The following PCCB variants were observed in gnomAD, a reference collection of about 807,000 sequenced individuals.
PCCB encodes the protein propionyl-CoA carboxylase beta chain, mitochondrial.
Under a neutral mutation model 60.7 loss-of-function variants are expected in PCCB, and 43 were observed. The ratio of observed to expected loss-of-function variants is 0.71; its 90% CI spans 0.55 to 0.91. The LOEUF (loss-of-function observed/expected upper bound fraction) is 0.91. PCCB is among the 40% of genes least tolerant of loss of function. The probability of loss-of-function intolerance (pLI) is 0.00; values close to 1 mark genes in which losing one functional copy is unlikely to be tolerated. For missense variants in PCCB, 766 were observed against 702.8 expected, an observed-to-expected ratio of 1.09 and a Z score of -1.02; for synonymous variants, 276 against 255.9, an observed-to-expected ratio of 1.08 and a Z score of -0.75.
chr3:136,289,232 G>A (rs112835519), intron 6 of PCCB, among the ~76,000 whole-genome samples: 7 of 152,240 alleles, frequency 4.6e-5, no homozygotes, highest in African/African-American at 1.4e-4. Context: ...ATAGAGGAGT[G>A]TTAAGATCTT....
intron 5 of PCCB, among the ~76,000 whole-genome samples, chr3:136,269,472 T>A (rs745999433): frequency 6.6e-6 from 1 of 152,220 alleles, no homozygotes; most frequent in Non-Finnish European, 1.5e-5. Context: ...CACAATCATG[T>A]CTTCTGCAAA....
Position 136,316,959 on chromosome 3 carries a change from T to G in PCCB, c.985T>G (p.Phe329Val), listed in dbSNP as rs367662015. The change falls in exon 10 of 15, where the codon TTT becomes GTT. Residue 329 changes from phenylalanine (F) to valine (V), a missense_variant. By Grantham distance (50) the Phe-to-Val change is conservative. Transcript: ENST00000251654. ...CCTGCAGGTTGTTGATGAGCGTGAA[T>G]TTTTTGAGATCATGCCCAATTATGC... ...IIHSVVDERE[F>V]FEIMPNYAKN... is the part of the protein sequence containing the mutation. The G allele has an allele frequency of 1.9e-6, 3 of 1,613,936 alleles. No individual in the cohort carries two copies. Among genetic ancestry groups the G allele is most frequent in the Admixed American group, 3.3e-5 (2 of 60,026 alleles).
Position 136,330,016 on chromosome 3 carries a change from T to C in PCCB, c.1610T>C (p.Ile537Thr), listed in dbSNP as rs759733016. ...CGTCCTTGGAGAAAACATGCAAATA[T>C]TCCATTGTAAACAAATCAAAGGAAA... ...VQRPWRKHAN[I>T]PL The change falls in exon 15 of 15, where the codon ATT becomes ACT. Residue 537 changes from isoleucine to threonine, a missense_variant. Physicochemically the swap from Ile to Thr is moderately conservative, Grantham distance 89 (BLOSUM62 -1). Transcript: ENST00000251654. The C allele has an allele frequency of 3.7e-6, 6 of 1,614,114 alleles. No individual in the cohort carries two copies. Among genetic ancestry groups the C allele is most frequent in the Middle Eastern group, 1.7e-4 (1 of 6,060 alleles).
chr3:136,324,986 A>G (rs2108235535), intron 10 of PCCB, among the ~76,000 whole-genome samples: 1 of 152,064 alleles, frequency 6.6e-6, no homozygotes, highest in South Asian at 2.1e-4. Context: ...TCCTTCTCCC[A>G]GGTTCAAGCA....
Position 136,317,047 on chromosome 3 carries a change from A to G in PCCB, c.1073A>G (p.Gln358Arg). 1.2e-6 allele frequency: 2 copies of G among 1,613,986 alleles called. No homozygotes were observed. The highest frequency in any genetic ancestry group is 1.7e-6 in the Non-Finnish European group (2 of 1,179,974). The stretch of plus-strand genomic sequence containing the variant: ...AGGACTGTTGGAATTGTTGGCAACC[A>G]ACCTAAGGTGGCCTCAGGTAGGATG... ...NGRTVGIVGN[Q>R]PKVASGCLDI... The change falls in exon 10 of 15, where the codon CAA (glutamine) becomes CGA (arginine). Residue 358 changes from glutamine (Q) to arginine (R), a missense_variant. Coordinates refer to ENST00000251654, the MANE Select transcript of PCCB (RefSeq NM_000532.5).
chr3:136,299,816 ATGTG>A (rs1043196354), intron 8 of PCCB, among the ~76,000 whole-genome samples: 4 of 148,880 alleles, frequency 2.7e-5, no homozygotes, highest in Non-Finnish European at 4.4e-5. Flanking sequence ...ATAGGTATGC[ATGTG>A]TATGTATGTA....
intron 9 of PCCB, among the ~76,000 whole-genome samples, chr3:136,311,123 G>A (rs1934646573): frequency 6.6e-6 from 1 of 152,150 alleles, no homozygotes; most frequent in African/African-American, 2.4e-5. Context: ...TGGGAGAGAT[G>A]TCAAGCTGTA....
At chr3:136,254,210 G>C (rs1236681282) in intron 1 of PCCB, among the ~76,000 whole-genome samples, 4 of 151,488 alleles carry the variant, frequency 2.6e-5, no homozygotes, top group African/African-American at 9.7e-5. Flanking sequence ...AGCAATGGCG[G>C]CTTTTTTTTG....
At chr3:136,328,131 C>T (rs909781121) in intron 13 of PCCB, among the ~76,000 whole-genome samples, 1 of 152,192 alleles carries the variant, frequency 6.6e-6, no homozygotes, top group South Asian at 2.1e-4. Flanking sequence ...CTTTTAAGCT[C>T]ATAAGAAGCT....
At position 136,250,494 on chromosome 3, in the gene PCCB, A is replaced by C; in HGVS notation, c.119A>C (p.Glu40Ala). 1 of 1,612,996 alleles carries C rather than the reference A, an allele frequency of 6.2e-7. No individual in the cohort carries two copies. The highest frequency in any genetic ancestry group is 2.2e-5 in the East Asian group (1 of 44,866). ...SQATSVNERI[E>A]NKRRTALLGG... ...GCCACCTCTGTTAACGAACGCATCG[A>C]AAACAAGCGCCGGACCGCGCTGCTG... Residue 40 changes from glutamate to alanine, a missense_variant, in exon 1 of 15, where the codon GAA becomes GCA. By Grantham distance (107) the Glu-to-Ala change is moderately radical. Coordinates refer to ENST00000251654, the MANE Select transcript of PCCB (RefSeq NM_000532.5).
At chr3:136,297,886 C>T (rs1161804139) in intron 7 of PCCB, 66 bp from the exon 8 acceptor site, 24 of 1,600,040 alleles carry the variant, frequency 1.5e-5, no homozygotes, top group Non-Finnish European at 2.0e-5. Flanking sequence ...CGCAGTCAGG[C>T]ATGAAGCAGC....
intron 7 of PCCB, among the ~76,000 whole-genome samples, chr3:136,295,285 G>C (rs1010201518): frequency 3.3e-5 from 5 of 152,200 alleles, no homozygotes; most frequent in African/African-American, 7.2e-5. Flanking sequence ...TTTCTTCCCA[G>C]TGTCCCTAAA....
intron 14 of PCCB, among the ~76,000 whole-genome samples, 153 bp downstream of exon 14, chr3:136,329,010 G>A (rs996779537): frequency 6.6e-6 from 1 of 152,250 alleles, no homozygotes; most frequent in Non-Finnish European, 1.5e-5. Context: ...GTCATCACTT[G>A]GACTAAGGAC....
chr3:136,264,011 CA>C (rs3884120), intron 5 of PCCB, among the ~76,000 whole-genome samples: 24,416 of 107,364 alleles, frequency 0.23, 3,045 homozygotes, highest in African/African-American at 0.44. Flanking sequence ...GACTCTGTCT[CA>C]AAAAAAAAAA....
At chr3:136,269,257 T>TCAAAA (rs1222683548) in intron 5 of PCCB, among the ~76,000 whole-genome samples, 3 of 152,164 alleles carry the variant, frequency 2.0e-5, no homozygotes, top group African/African-American at 4.8e-5. Context: ...AGACTCCGTC[T>TCAAAA]CAAAACAAAA....
At chr3:136,301,229 G>A (rs1934267275) in intron 9 of PCCB, 118 bp downstream of exon 9, 4 of 794,778 alleles carry the variant, frequency 5.0e-6, no homozygotes, top group Non-Finnish European at 8.8e-6. Flanking sequence ...AGCACAGGTC[G>A]GGAATAGGGT....
chr3:136,277,193 A>G (rs1484906317), intron 5 of PCCB, among the ~76,000 whole-genome samples: 3 of 152,204 alleles, frequency 2.0e-5, no homozygotes, highest in African/African-American at 4.8e-5. Context: ...AATGCTGGTT[A>G]TAATAGTAGT....
At chr3:136,289,902 T>A (rs1385578485) in intron 6 of PCCB, among the ~76,000 whole-genome samples, 2 of 152,168 alleles carry the variant, frequency 1.3e-5, no homozygotes, top group Non-Finnish European at 2.9e-5. Flanking sequence ...GAGTACCTTA[T>A]AATAGCAAAA....
At chr3:136,261,425 G>T (rs535332785) in intron 4 of PCCB, among the ~76,000 whole-genome samples, 1 of 152,290 alleles carries the variant, frequency 6.6e-6, no homozygotes, top group East Asian at 1.9e-4. Context: ...GGTAATGGAA[G>T]TGAAAGTACT....
Sources: gnomAD v4.1 joint callset for allele counts (sites outside exome capture counted in the v4.1 genomes callset) on GRCh38, gnomAD v4.1.1 for gene constraint, MANE v1.5 for transcripts, NCBI Gene and HGNC (gene_info 2026-07-23, HGNC 2026-07-21) for gene names.